Variants in GRM4 observed in about 807,000 individuals in gnomAD.
The protein encoded by GRM4 is metabotropic glutamate receptor 4.
GRM4 carries 28 observed loss-of-function variants against 81.7 expected under a neutral mutation model. The observed-to-expected ratio is 0.34, with a 90% CI of 0.25 to 0.47. The LOEUF (loss-of-function observed/expected upper bound fraction) is 0.47, where lower values mean the gene tolerates loss of function less well. GRM4 is among the 20% of genes least tolerant of loss of function. GRM4 has a pLI of 1.00. For missense variants in GRM4, 948 were observed against 1,290.0 expected (o/e 0.73, Z 4.06); for synonymous variants, 488 against 528.8 (o/e 0.92, Z 1.06).
At chr6:34,028,426 C>T (rs963352962) in intron 9 of GRM4, 60 bp from the exon 10 acceptor site, 28 of 1,553,642 alleles carry the variant, frequency 1.8e-5, no homozygotes, top group South Asian at 3.5e-5. Flanking sequence ...CCCTGACTCC[C>T]GCCAGTTCCC....
chr6:34,053,351 G>T (rs551595123), intron 6 of GRM4, among the ~76,000 whole-genome samples: 2 of 152,284 alleles, frequency 1.3e-5, no homozygotes, highest in Non-Finnish European at 2.9e-5. Flanking sequence ...TCAGCTCAGG[G>T]GCAGGACCAT....
intron 10 of GRM4, among the ~76,000 whole-genome samples, chr6:34,027,288 C>T (rs1022377784): frequency 2.0e-5 from 3 of 152,074 alleles, no homozygotes; most frequent in Non-Finnish European, 2.9e-5. Flanking sequence ...GCTGGATCTC[C>T]GAGGAAGAGG....
chr6:34,026,227 G>A (rs1435363304), intron 10 of GRM4, among the ~76,000 whole-genome samples: 2 of 152,190 alleles, frequency 1.3e-5, no homozygotes, highest in Non-Finnish European at 1.5e-5. Flanking sequence ...TTCCACAGGA[G>A]TGACACCTTC....
At position 34,069,572 on chromosome 6, in the gene GRM4, T is replaced by C. The variant is rs1766684451; in HGVS notation, c.737-7544A>G. ...CACCCCTGCCCCATCTGCTCCTGCG[T>C]GTGACCCCGCTCCCCAGCTCATCAG... On this transcript the variant is annotated intron_variant, in intron 3 of 10. Coordinates refer to ENST00000538487, the MANE Select transcript of GRM4 (RefSeq NM_000841.4). The surrounding 1 kb of genome is among the most constrained non-coding windows in gnomAD (Gnocchi z 6.4). Among the ~76,000 whole-genome samples, 1 of 150,650 alleles carries C rather than the reference T, an allele frequency of 6.6e-6. No homozygotes were observed. The highest frequency in any genetic ancestry group is 2.5e-5 in the African/African-American group (1 of 40,544).
intron 2 of GRM4, among the ~76,000 whole-genome samples, chr6:34,127,805 G>A (rs1770077625): frequency 6.6e-6 from 1 of 152,208 alleles, no homozygotes; most frequent in Non-Finnish European, 1.5e-5. Flanking sequence ...TGGTCAAGAT[G>A]GGTGCAGTAG....
Position 34,135,105 on chromosome 6 carries a change from T to C in GRM4, c.-363-1246A>G, listed in dbSNP as rs80067431. 7.0e-3 allele frequency among the ~76,000 whole-genome samples: 1,065 copies of C among 152,274 alleles called. 4 individuals are homozygous for C. The highest frequency in any genetic ancestry group is 0.011 in the Non-Finnish European group (727 of 68,022). Reference sequence around the variant, plus strand: ...TCTGTGCCTCAGTTTCCCCAAGCAGTTGGAAGAGGAGCTTGTGTTGGGATT... The same window carrying C: ...TCTGTGCCTCAGTTTCCCCAAGCAGCTGGAAGAGGAGCTTGTGTTGGGATT... On this transcript the variant is annotated intron_variant, in intron 1 of 10. Transcript: ENST00000538487.
intron 9 of GRM4, among the ~76,000 whole-genome samples, chr6:34,031,670 G>A (rs1764431272): frequency 6.6e-6 from 1 of 152,104 alleles, no homozygotes; most frequent in East Asian, 1.9e-4. Flanking sequence ...CCCACGTAGT[G>A]GAGAAAGCCC....
chr6:34,039,935 C>T (rs1764914860), intron 8 of GRM4, among the ~76,000 whole-genome samples: 2 of 152,184 alleles, frequency 1.3e-5, no homozygotes, highest in Non-Finnish European at 2.9e-5. Flanking sequence ...AAGAAGGCCC[C>T]AGGCTAAGGG....
At chr6:34,081,042 T>C (rs1444074899) in intron 3 of GRM4, among the ~76,000 whole-genome samples, 1 of 152,150 alleles carries the variant, frequency 6.6e-6, no homozygotes, top group Non-Finnish European at 1.5e-5. Flanking sequence ...CCTGCCCATC[T>C]GACAAGCCCA....
At chr6:34,155,510 C>A in exon 1 of GRM4, 1 of 593,178 alleles carries the variant, frequency 1.7e-6, no homozygotes, top group Non-Finnish European at 2.8e-6. Flanking sequence ...GGCCGCATCC[C>A]AAACCAATTA....
rs542805532 is a variant in GRM4 at position 34,054,553 on chromosome 6, G to C, written c.1168+1991C>G. On this transcript the variant is annotated intron_variant, in intron 6 of 10. Coordinates refer to ENST00000538487, the MANE Select transcript of GRM4 (RefSeq NM_000841.4). ...AAACGCCTCCCTTAGGACTGCTGGA[G>C]AGTTTCTTGAATCCTGCCCCAAGGA... 7.3e-4 allele frequency: 112 copies of C among 152,426 alleles called. 1 individual carries two copies. The highest frequency in any genetic ancestry group is 2.5e-3 in the African/African-American group (105 of 41,570). The allele number at this position is 152,426 out of a possible 1,614,324, so 9.4% of individuals were successfully genotyped here.
intron 1 of GRM4, among the ~76,000 whole-genome samples, chr6:34,145,506 G>A (rs1238738185): frequency 6.6e-6 from 1 of 152,250 alleles, no homozygotes; most frequent in African/African-American, 2.4e-5. Context: ...GCAGCCGGCC[G>A]AGGTACGGGC....
rs764127204 is a variant in GRM4 at position 34,058,976 on chromosome 6, C to T, written c.1025G>A (p.Arg342Gln). 17 of 1,611,892 alleles carry T rather than the reference C, an allele frequency of 1.1e-5. No homozygotes were observed. The highest frequency in any genetic ancestry group is 3.3e-5 in the South Asian group (3 of 91,000). The change falls in exon 5 of 11, where the codon CGA (arginine) becomes CAA (glutamine). Residue 342 changes from arginine (R) to glutamine (Q), a missense_variant and splice_region_variant. By Grantham distance (43) the Arg-to-Gln change is conservative. Transcript: ENST00000538487. ...CACCTGCACCCGCCCAGCCTTACCTCGTACGGACATCCTCTTGGGGAGGAT... is the reference window on the plus strand; with the variant it reads ...CACCTGCACCCGCCCAGCCTTACCTTGTACGGACATCCTCTTGGGGAGGAT... ...VTILPKRMSV[R>Q]GFDRYFSSRT... is the part of the protein sequence containing the mutation.
In GRM4 at chr6:34,044,219, C is replaced by CAT. The variant is rs1486459293; in HGVS notation, c.1169-3473_1169-3472dup. ...ACACACATATATATACATACATACA[C>CAT]ATATATACAGACACACACATACACA... On this transcript the variant is annotated intron_variant, in intron 6 of 10. Coordinates refer to ENST00000538487, the MANE Select transcript of GRM4 (RefSeq NM_000841.4). Among the ~76,000 whole-genome samples the CAT allele has an allele frequency of 5.9e-5, 8 of 135,920 alleles. 1 individual carries two copies. The highest frequency in any genetic ancestry group is 2.2e-4 in the African/African-American group (7 of 31,882). The allele number at this position is 135,920 out of a possible 152,430, so 89.2% of individuals were successfully genotyped here. A position where few individuals can be genotyped will look rare whatever the true frequency, so the allele number is the denominator to read the frequency against.
At chr6:34,081,258 G>T (rs1767580026) in intron 3 of GRM4, among the ~76,000 whole-genome samples, 1 of 152,240 alleles carries the variant, frequency 6.6e-6, no homozygotes, top group African/African-American at 2.4e-5. Flanking sequence ...CTCCTCTAAA[G>T]TGGGGACAAT....
At chr6:34,124,318 G>T (rs1769932195) in intron 2 of GRM4, among the ~76,000 whole-genome samples, 2 of 152,144 alleles carry the variant, frequency 1.3e-5, no homozygotes, top group African/African-American at 4.8e-5. Flanking sequence ...CTCCGTTCAG[G>T]TTCTGCACAA....
At position 34,132,925 on chromosome 6, in the gene GRM4, G is replaced by A. The variant is rs372104540; in HGVS notation, c.519+53C>T. The A allele has an allele frequency of 2.3e-5, 34 of 1,457,256 alleles. No individual in the cohort carries two copies. In the South Asian group the frequency reaches 2.6e-4, roughly 11 times the overall value. The allele number at this position is 1,457,256 out of a possible 1,614,324, so 90.3% of individuals were successfully genotyped here. ...CAGGCCTGGCACCCTGAAGTGGGGC[G>A]GGCAGAGTCCGTTGGGGGAAGAGCA... is the stretch of plus-strand genomic sequence containing the variant. On this transcript the variant is annotated intron_variant, in intron 2 of 10. Transcript: ENST00000538487.
In GRM4 at chr6:34,115,602, A is replaced by C. The variant is rs1268508030; in HGVS notation, c.519+17376T>G. On this transcript the variant is annotated intron_variant, in intron 2 of 10. Coordinates refer to ENST00000538487, the MANE Select transcript of GRM4 (RefSeq NM_000841.4). The surrounding 1 kb of genome is among the most constrained non-coding windows in gnomAD (Gnocchi z 4.1). ...AAACCTTTCAGGCCTCTAAAAGACC[A>C]TTTAGTAAATCGATGCTCTGAAAGA... Among the ~76,000 whole-genome samples, 1 of 152,214 alleles carries C rather than the reference A, an allele frequency of 6.6e-6. No individual in the cohort carries two copies. The highest frequency in any genetic ancestry group is 1.5e-5 in the Non-Finnish European group (1 of 68,030).
Position 34,090,465 on chromosome 6 carries a change from G to A in GRM4, c.736+1418C>T, listed in dbSNP as rs1768142516. Among the ~76,000 whole-genome samples, 1 of 152,128 alleles carries A rather than the reference G, an allele frequency of 6.6e-6. No homozygotes were observed. Among genetic ancestry groups the A allele is most frequent in the African/African-American group, 2.4e-5 (1 of 41,418 alleles). On this transcript the variant is annotated intron_variant, in intron 3 of 10. Transcript: ENST00000538487. The surrounding 1 kb of genome is among the most constrained non-coding windows in gnomAD (Gnocchi z 5.2). ...GTGGGTGGCCCAAGGGAGGGGCTGGGCTCTGGGGCTCGGAGGCTCTGACAC... is the reference window on the plus strand; with the variant it reads ...GTGGGTGGCCCAAGGGAGGGGCTGGACTCTGGGGCTCGGAGGCTCTGACAC...
Sources: gnomAD v4.1 joint callset for allele counts (sites outside exome capture counted in the v4.1 genomes callset) on GRCh38, gnomAD v4.1.1 for gene constraint, Gnocchi (gnomAD v3.1) non-coding constraint, MANE v1.5 for transcripts, NCBI Gene and HGNC (gene_info 2026-07-23, HGNC 2026-07-21) for gene names.